VOPP1: variants seen among roughly 807,000 people sequenced by gnomAD.
VOPP1 encodes the protein WW domain binding protein VOPP1.
In VOPP1, 8 loss-of-function variants were observed where a neutral mutation model predicts 23.5. That is an observed-to-expected ratio of 0.34 (90% CI 0.20 to 0.61). The LOEUF (loss-of-function observed/expected upper bound fraction) is 0.61. VOPP1 is among the 20% of genes least tolerant of loss of function. The pLI, the probability that VOPP1 is intolerant of heterozygous loss-of-function variation, is 0.78. For synonymous variants in VOPP1, 83 were observed against 97.3 expected, an observed-to-expected ratio of 0.85 and a Z score of 0.86; for missense variants, 174 against 238.1, an observed-to-expected ratio of 0.73 and a Z score of 1.77.
At chr7:55,533,232 G>A (rs932948044) in intron 1 of VOPP1, among the ~76,000 whole-genome samples, 2 of 152,194 alleles carry the variant, frequency 1.3e-5, no homozygotes, top group African/African-American at 4.8e-5. Context: ...GGTCAGACCA[G>A]TGAGGATGGA....
At chr7:55,458,547 C>T (rs1488439599) in intron 4 of VOPP1, among the ~76,000 whole-genome samples, 1 of 152,126 alleles carries the variant, frequency 6.6e-6, no homozygotes. Context: ...GATTCATGCA[C>T]ATGGAATGTC....
intron 2 of VOPP1, among the ~76,000 whole-genome samples, chr7:55,502,008 A>G (rs757738498): frequency 6.6e-6 from 1 of 152,242 alleles, no homozygotes; most frequent in Non-Finnish European, 1.5e-5. Flanking sequence ...CACTTGATAT[A>G]AAAGAGGAAA....
chr7:55,483,744 C>A (rs372099119), intron 4 of VOPP1, among the ~76,000 whole-genome samples: 1 of 152,218 alleles, frequency 6.6e-6, no homozygotes, highest in Non-Finnish European at 1.5e-5. Context: ...GATTTTAACA[C>A]AACATGTTGG....
chr7:55,444,550 G>A (rs1791048061), intron 4 of VOPP1, among the ~76,000 whole-genome samples: 1 of 152,082 alleles, frequency 6.6e-6, no homozygotes, highest in South Asian at 2.1e-4. Flanking sequence ...CAAATATCAG[G>A]AGGCAGAGAG....
intron 4 of VOPP1, among the ~76,000 whole-genome samples, chr7:55,448,624 T>C (rs931270287): frequency 3.9e-5 from 6 of 152,152 alleles, no homozygotes; most frequent in Non-Finnish European, 7.4e-5. Flanking sequence ...CCTGGAATCC[T>C]CCGCGGGATC....
intron 2 of VOPP1, among the ~76,000 whole-genome samples, chr7:55,504,293 AAGG>A (rs1274877642): frequency 2.0e-5 from 3 of 152,226 alleles, no homozygotes; most frequent in Admixed American, 6.5e-5. Flanking sequence ...CACATACTTG[AAGG>A]AGGCTTCCCA....
At chr7:55,498,553 G>A (rs928755349) in intron 2 of VOPP1, among the ~76,000 whole-genome samples, 4 of 152,222 alleles carry the variant, frequency 2.6e-5, no homozygotes, top group Non-Finnish European at 4.4e-5. Flanking sequence ...CCGTTTTACA[G>A]AGAAGTTTTC....
downstream of VOPP1, among the ~76,000 whole-genome samples, chr7:55,468,758 G>A (rs1791700468): frequency 6.6e-6 from 1 of 152,200 alleles, no homozygotes; most frequent in African/African-American, 2.4e-5. Context: ...TAGGTCTTTG[G>A]CCTAAGGGAG....
At chr7:55,450,996 C>T (rs1382609930) in intron 4 of VOPP1, among the ~76,000 whole-genome samples, 1 of 152,258 alleles carries the variant, frequency 6.6e-6, no homozygotes, top group Non-Finnish European at 1.5e-5. Context: ...GAGACCTGCA[C>T]AAGAACATAC....
chr7:55,556,644 C>CG (rs970495803), intron 1 of VOPP1, among the ~76,000 whole-genome samples: 15 of 151,376 alleles, frequency 9.9e-5, no homozygotes, highest in African/African-American at 1.5e-4. Flanking sequence ...GAACCCCCCC[C>CG]CAAAACACTT....
intron 3 of VOPP1, among the ~76,000 whole-genome samples, chr7:55,495,513 G>C (rs561931526): frequency 6.6e-6 from 1 of 152,300 alleles, no homozygotes; most frequent in South Asian, 2.1e-4. Context: ...GGCCCTGCAA[G>C]GTGCTGTCCC....
intron 2 of VOPP1, among the ~76,000 whole-genome samples, chr7:55,501,351 C>T (rs1794353287): frequency 6.6e-6 from 1 of 152,200 alleles, no homozygotes; most frequent in Non-Finnish European, 1.5e-5. Context: ...CTATGTGTGC[C>T]AGGCTGTGAC....
chr7:55,439,763 G>C (rs1790919405), intron 4 of VOPP1, among the ~76,000 whole-genome samples: 2 of 152,342 alleles, frequency 1.3e-5, no homozygotes, highest in South Asian at 2.1e-4. Context: ...CAGCTCAGCA[G>C]CATCTGCTGC....
rs143432956 is a variant in VOPP1 at position 55,481,910 on chromosome 7, ATT to A, written c.329-8867_329-8866del. Among the ~76,000 whole-genome samples the A allele has an allele frequency of 6.0e-3, 917 of 152,360 alleles. 6 individuals carry two copies. The highest frequency in any genetic ancestry group is 0.02 in the African/African-American group (846 of 41,578). On this transcript the variant is annotated intron_variant, in intron 4 of 4. Transcript: ENST00000285279. ...ATGCAGCTTCTACTTCTACAAACGT[ATT>A]CGGACACCTTTGTAGTACAAAATCT...
At chr7:55,525,317 T>C (rs1796110746) in intron 1 of VOPP1, among the ~76,000 whole-genome samples, 1 of 151,852 alleles carries the variant, frequency 6.6e-6, no homozygotes, top group Admixed American at 6.6e-5. Flanking sequence ...GTGAAACCCG[T>C]CTGTACTAAA....
intron 2 of VOPP1, among the ~76,000 whole-genome samples, chr7:55,504,251 T>C (rs1794561330): frequency 6.6e-6 from 1 of 152,224 alleles, no homozygotes; most frequent in African/African-American, 2.4e-5. Context: ...TACTCATTAT[T>C]ACCTGCATTC....
intron 1 of VOPP1, chr7:55,538,737 C>T (rs929472340): frequency 1.5e-6 from 2 of 1,354,238 alleles, no homozygotes; most frequent in Non-Finnish European, 2.0e-6. Flanking sequence ...CATGGCCATT[C>T]CTATAAAGGA....
chr7:55,485,999 C>T (rs1793114579), intron 4 of VOPP1, among the ~76,000 whole-genome samples: 1 of 152,238 alleles, frequency 6.6e-6, no homozygotes, highest in African/African-American at 2.4e-5. Flanking sequence ...AGACCCAGAG[C>T]TTGCGTGAGC....
intron 3 of VOPP1, 127 bp from the exon 4 acceptor site, chr7:55,492,545 G>C: frequency 8.6e-7 from 1 of 1,163,310 alleles, no homozygotes. Flanking sequence ...GCACGAGTCA[G>C]AAGGCAAGGG....
Sources: gnomAD v4.1 joint callset for allele counts (sites outside exome capture counted in the v4.1 genomes callset) on GRCh38, gnomAD v4.1.1 for gene constraint, MANE v1.5 for transcripts, NCBI Gene and HGNC (gene_info 2026-07-23, HGNC 2026-07-21) for gene names.